MYO7A: variants seen among roughly 807,000 people sequenced by gnomAD.
MYO7A encodes the protein unconventional myosin-VIIa.
In MYO7A, 210 loss-of-function variants were observed where a neutral mutation model predicts 263.8. The observed-to-expected ratio is 0.80, with a 90% CI of 0.71 to 0.89. The LOEUF is 0.89. Among genes scored for constraint, MYO7A ranks in the 40% least tolerant of loss-of-function variants. The pLI is 0.00. For synonymous variants in MYO7A, 1,239 were observed against 1,197.3 expected, an observed-to-expected ratio of 1.03 and a Z score of -0.72; for missense variants, 2,820 against 2,968.3, an observed-to-expected ratio of 0.95 and a Z score of 1.16.
At chr11:77,177,427 A>T (rs966278454) in intron 18 of MYO7A, 122 bp from the exon 19 acceptor site, 7 of 767,158 alleles carry the variant, frequency 9.1e-6, no homozygotes, top group Non-Finnish European at 1.5e-5. Flanking sequence ...CTGGGAGCTC[A>T]TGGGGCCCAA....
chr11:77,213,906 G>C lies in MYO7A; in HGVS notation c.6485G>C (p.Ser2162Thr). Residue 2162 changes from serine (S) to threonine (T), a missense_variant, in exon 48 of 49, where the codon AGC becomes ACC. Transcript: ENST00000409709. ...TTCACCAAGATCTCCAACTGGAGCA[G>C]CGGCAACACCTACTTCCACATCACC... ...HPFTKISNWS[S>T]GNTYFHITIG... 6.2e-7 allele frequency: 1 copy of C among 1,614,056 alleles called. No individual in the cohort carries two copies. The highest frequency in any genetic ancestry group is 1.3e-5 in the African/African-American group (1 of 75,070).
At position 77,190,912 on chromosome 11, in the gene MYO7A, C is replaced by T. The variant is rs776255985; in HGVS notation, c.3924+42C>T. On this transcript the variant is annotated intron_variant, in intron 30 of 48. Coordinates refer to ENST00000409709, the MANE Select transcript of MYO7A (RefSeq NM_000260.4). ...GCACCTCCTCCCGGAAGCACCTCCT[C>T]CCGGCCCCACTCCGGGCTGCCAGTG... The T allele has an allele frequency of 5.3e-6, 8 of 1,508,106 alleles. No homozygotes were observed. In the African/African-American group the frequency reaches 7.0e-5, roughly 13 times the overall value. The allele number at this position is 1,508,106 out of a possible 1,614,324, so 93.4% of individuals were successfully genotyped here. A position where few individuals can be genotyped will look rare whatever the true frequency, so the allele number is the denominator to read the frequency against.
At chr11:77,151,518 C>A (rs1951961687) in intron 4 of MYO7A, among the ~76,000 whole-genome samples, 1 of 152,146 alleles carries the variant, frequency 6.6e-6, no homozygotes. Flanking sequence ...TTGATTCCTG[C>A]TACATCTCTG....
chr11:77,203,321 T>A (rs1957204420), intron 38 of MYO7A, 104 bp downstream of exon 38: 1 of 1,326,492 alleles, frequency 7.5e-7, no homozygotes, highest in Non-Finnish European at 1.0e-6. Flanking sequence ...CGGGCACACA[T>A]GGGGAGGGTT....
chr11:77,203,184 G>C lies in MYO7A; in HGVS notation c.5293G>C (p.Glu1765Gln). 6.4e-7 allele frequency: 1 copy of C among 1,552,676 alleles called. No individual in the cohort carries two copies. Among genetic ancestry groups the C allele is most frequent in the Non-Finnish European group, 8.7e-7 (1 of 1,148,928 alleles). ...ALLKKLLGSE[E>Q]LSQEACLAFI... ...GCTCAAGAAGCTCCTGGGCAGTGAG[G>C]AGCTCTCGCAGGAGGCCTGCCTGGC... Residue 1765 changes from glutamate (E) to glutamine (Q), a missense_variant, in exon 38 of 49, where the codon GAG becomes CAG. Transcript: ENST00000409709.
At position 77,155,860 on chromosome 11, in the gene MYO7A, G is replaced by A. The variant is rs1474055171; in HGVS notation, c.286-47G>A. 12 of 1,507,998 alleles carry A rather than the reference G, an allele frequency of 8.0e-6. No homozygotes were observed. The African/African-American group carries it at 1.2e-4, about 16-fold the overall frequency. The allele number at this position is 1,507,998 out of a possible 1,614,324, so 93.4% of individuals were successfully genotyped here. Reference sequence around the variant, plus strand: ...AGCCCAAGAGCTTTCTAGAGTCAGAGTCTCCCACATGGAATCAGCGAGCTC... The same window carrying A: ...AGCCCAAGAGCTTTCTAGAGTCAGAATCTCCCACATGGAATCAGCGAGCTC... On this transcript the variant is annotated intron_variant, in intron 4 of 48. Coordinates refer to ENST00000409709, the MANE Select transcript of MYO7A (RefSeq NM_000260.4).
Position 77,138,429 on chromosome 11 carries a change from G to T in MYO7A, c.19-4280G>T, listed in dbSNP as rs898091076. On this transcript the variant is annotated intron_variant, in intron 2 of 48. Transcript: ENST00000409709. This position sits in a 1 kb window ranked among gnomAD's most constrained non-coding sequence, Gnocchi z 4.9. ...ACGCCGTCCTGCCGGTGAGGCCCGG[G>T]CCAGGAGGGGAGAAGGGAGGGGGAG... 6.6e-6 allele frequency among the ~76,000 whole-genome samples: 1 copy of T among 152,224 alleles called. No homozygotes were observed. Among genetic ancestry groups the T allele is most frequent in the Non-Finnish European group, 1.5e-5 (1 of 68,036 alleles).
intron 33 of MYO7A, among the ~76,000 whole-genome samples, chr11:77,197,866 C>T (rs536202132): frequency 1.2e-3 from 177 of 152,358 alleles, no homozygotes; most frequent in Non-Finnish European, 2.1e-3. Flanking sequence ...TTGGTCTGCT[C>T]TGGTCAATGC....
Position 77,158,431 on chromosome 11 carries a change from G to A in MYO7A, c.1003+1G>A, listed in dbSNP as rs1952694662. 6.2e-7 allele frequency: 1 copy of A among 1,610,872 alleles called. No homozygotes were observed. The highest frequency in any genetic ancestry group is 8.5e-7 in the Non-Finnish European group (1 of 1,179,380). On this transcript the variant is annotated splice_donor_variant, in intron 9 of 48. Coordinates refer to ENST00000409709, the MANE Select transcript of MYO7A (RefSeq NM_000260.4). LOFTEE classifies it high-confidence loss of function. ...CACCTGGGCAACCTGCAGTATGAGG[G>A]TGAGGCTGCGCCACACTCGCCCTGC...
chr11:77,147,400 T>TTTTA (rs1555054264), intron 3 of MYO7A, among the ~76,000 whole-genome samples: 3 of 150,726 alleles, frequency 2.0e-5, no homozygotes, highest in African/African-American at 7.3e-5. Flanking sequence ...TTTTTAATGT[T>TTTTA]TTTCTTTCTT....
At chr11:77,157,916 C>T (rs1019346167) in intron 8 of MYO7A, among the ~76,000 whole-genome samples, 1 of 152,162 alleles carries the variant, frequency 6.6e-6, no homozygotes, top group East Asian at 1.9e-4. Flanking sequence ...CCTAGGGGGT[C>T]GAGTCCCTGA....
chr11:77,157,147 C>T (rs1952549699), intron 7 of MYO7A, 132 bp from the exon 8 acceptor site: 1 of 1,391,826 alleles, frequency 7.2e-7, no homozygotes, highest in Non-Finnish European at 1.0e-6. Context: ...CTGGAAATCC[C>T]ACCATGAAAC....
intron 4 of MYO7A, 132 bp from the exon 5 acceptor site, chr11:77,155,775 G>A (rs1444431328): frequency 1.0e-6 from 1 of 997,328 alleles, no homozygotes; most frequent in Non-Finnish European, 1.4e-6. Context: ...TCTGGCTCCA[G>A]GTCCACCCAC....
chr11:77,142,676 C>T (rs887643800), intron 2 of MYO7A, 33 bp from the exon 3 acceptor site: 3 of 1,567,284 alleles, frequency 1.9e-6, no homozygotes, highest in South Asian at 2.3e-5. Context: ...CCCCTCCCTG[C>T]TCACCTGGGC....
At chr11:77,199,399 C>A in intron 34 of MYO7A, 136 bp from the exon 35 acceptor site, 1 of 873,652 alleles carries the variant, frequency 1.1e-6, no homozygotes, top group Non-Finnish European at 1.6e-6. Context: ...GTAGGCCGGG[C>A]CACTGTGGGT....
Position 77,161,123 on chromosome 11 carries a change from G to C in MYO7A, c.1343+8G>C. The C allele has an allele frequency of 1.9e-6, 3 of 1,613,622 alleles. No homozygotes were observed. Among genetic ancestry groups the C allele is most frequent in the South Asian group, 1.1e-5 (1 of 91,072 alleles). On this transcript the variant is annotated splice_region_variant and intron_variant, in intron 12 of 48. Coordinates refer to ENST00000409709, the MANE Select transcript of MYO7A (RefSeq NM_000260.4). ...GAACTTTGCTGTGAACAGGTACCGC[G>C]TGGGGCTCTGCTCATGGGAATTTCC...
intron 15 of MYO7A, among the ~76,000 whole-genome samples, chr11:77,168,638 A>T (rs1176878838): frequency 2.5e-4 from 38 of 152,186 alleles, no homozygotes; most frequent in Admixed American, 2.5e-3. Flanking sequence ...CTACAAAAAA[A>T]TTTAAAATTA....
intron 15 of MYO7A, among the ~76,000 whole-genome samples, chr11:77,171,838 C>T (rs116047648): frequency 1.5e-3 from 230 of 152,318 alleles, no homozygotes; most frequent in Middle Eastern, 6.8e-3. Context: ...TGTTTGTTTG[C>T]GGCTCAGGGC....
intron 5 of MYO7A, 147 bp downstream of exon 5, chr11:77,156,238 G>A (rs1555062082): frequency 1.2e-6 from 1 of 864,868 alleles, no homozygotes; most frequent in African/African-American, 1.7e-5. Flanking sequence ...TCTGTGCTGT[G>A]TAACAATGTA....
Sources: gnomAD v4.1 joint callset for allele counts (sites outside exome capture counted in the v4.1 genomes callset) on GRCh38, gnomAD v4.1.1 for gene constraint, Gnocchi (gnomAD v3.1) non-coding constraint, MANE v1.5 for transcripts, NCBI Gene and HGNC (gene_info 2026-07-23, HGNC 2026-07-21) for gene names.